The following CPEB3 variants were observed in gnomAD, a reference collection of about 807,000 sequenced individuals.
CPEB3 encodes the protein cytoplasmic polyadenylation element-binding protein 3.
In CPEB3, 20 loss-of-function variants were observed where a neutral mutation model predicts 67.2. The ratio of observed to expected loss-of-function variants is 0.30; its 90% CI spans 0.21 to 0.43. The LOEUF (loss-of-function observed/expected upper bound fraction) is 0.43. Among genes scored for constraint, CPEB3 ranks in the 20% least tolerant of loss-of-function variants. The pLI, the probability that CPEB3 is intolerant of heterozygous loss-of-function variation, is 1.00. For synonymous variants in CPEB3, 376 were observed against 393.1 expected, an observed-to-expected ratio of 0.96 and a Z score of 0.51; for missense variants, 746 against 968.6, an observed-to-expected ratio of 0.77 and a Z score of 3.05.
At chr10:92,223,653 A>C (rs575992105) in intron 2 of CPEB3, among the ~76,000 whole-genome samples, 1 of 137,882 alleles carries the variant, frequency 7.3e-6, no homozygotes, top group Non-Finnish European at 1.5e-5. Context: ...GGATCACCGC[A>C]ACCTCCGCCT....
intron 9 of CPEB3, among the ~76,000 whole-genome samples, chr10:92,073,413 G>T (rs569997120): frequency 3.9e-5 from 6 of 152,098 alleles, no homozygotes; most frequent in African/African-American, 9.6e-5. Context: ...CAGCACTTTG[G>T]GAGGCCAAGG....
chr10:92,207,107 T>C (rs1012523758), intron 2 of CPEB3, among the ~76,000 whole-genome samples: 1 of 152,134 alleles, frequency 6.6e-6, no homozygotes, highest in African/African-American at 2.4e-5. Flanking sequence ...CTCAGCCTCC[T>C]GAGTAGCTGG....
intron 3 of CPEB3, among the ~76,000 whole-genome samples, chr10:92,186,290 T>C (rs1465689889): frequency 6.6e-6 from 1 of 151,110 alleles, no homozygotes; most frequent in Admixed American, 6.6e-5. Flanking sequence ...CTCACGAGGC[T>C]GAGGTGGGAG....
At chr10:92,157,610 C>G (rs150926798) in intron 4 of CPEB3, among the ~76,000 whole-genome samples, 1 of 152,034 alleles carries the variant, frequency 6.6e-6, no homozygotes, top group Non-Finnish European at 1.5e-5. Context: ...CATTTACTTC[C>G]GGGGTAAATC....
intron 4 of CPEB3, among the ~76,000 whole-genome samples, chr10:92,151,128 T>C (rs1197824137): frequency 6.6e-6 from 1 of 152,188 alleles, no homozygotes; most frequent in African/African-American, 2.4e-5. Flanking sequence ...ATGGAAGGCT[T>C]GTCCAAGATA....
chr10:92,214,903 A>C (rs947597469), intron 2 of CPEB3, among the ~76,000 whole-genome samples: 1 of 151,846 alleles, frequency 6.6e-6, no homozygotes, highest in East Asian at 1.9e-4. Flanking sequence ...GCTGGAGTGC[A>C]GTGGTGCAAT....
At position 92,240,277 on chromosome 10, in the gene CPEB3, T is replaced by C; in HGVS notation, c.74A>G (p.Gln25Arg). The C allele has an allele frequency of 1.3e-6, 2 of 1,508,812 alleles. No individual in the cohort carries two copies. Among genetic ancestry groups the C allele is most frequent in the South Asian group, 2.6e-5 (2 of 77,602 alleles). The allele number at this position is 1,508,812 out of a possible 1,614,324, so 93.5% of individuals were successfully genotyped here. The part of the protein sequence containing the change: ...QPQQQQRQQQ[Q>R]PQPESSVSEA... Reference sequence around the variant, plus strand: ...GGATACGCTGGACTCAGGTTGGGGCTGCTGCTGCTGCCGCTGCTGCTGCTG... The same window carrying C: ...GGATACGCTGGACTCAGGTTGGGGCCGCTGCTGCTGCCGCTGCTGCTGCTG... The change falls in exon 2 of 10, where the codon CAG (glutamine) becomes CGG (arginine). Residue 25 changes from glutamine (Q) to arginine (R), a missense_variant. Physicochemically the swap from Gln to Arg is conservative, Grantham distance 43. Transcript: ENST00000265997.
chr10:92,074,913 T>C (rs908136389), intron 9 of CPEB3, among the ~76,000 whole-genome samples: 1 of 152,164 alleles, frequency 6.6e-6, no homozygotes, highest in African/African-American at 2.4e-5. Flanking sequence ...TCTAGATGTC[T>C]AGTATCCAGG....
intron 2 of CPEB3, among the ~76,000 whole-genome samples, chr10:92,214,777 T>G (rs1022930254): frequency 1.3e-5 from 2 of 152,030 alleles, no homozygotes; most frequent in Non-Finnish European, 2.9e-5. Context: ...TGAGCCACTA[T>G]GCCTGGCTCA....
chr10:92,276,037 A>G (rs1364833885), intron 1 of CPEB3, among the ~76,000 whole-genome samples: 2 of 150,744 alleles, frequency 1.3e-5, no homozygotes, highest in South Asian at 2.1e-4. Context: ...TTTAGTAGAG[A>G]TGGGGTTTCA....
chr10:92,215,972 T>C (rs944693009), intron 2 of CPEB3, among the ~76,000 whole-genome samples: 3 of 140,702 alleles, frequency 2.1e-5, no homozygotes, highest in African/African-American at 7.9e-5. Flanking sequence ...ATGGTCTCCA[T>C]CTCCTGACCT....
At chr10:92,075,382 G>A (rs1028913550) in intron 9 of CPEB3, among the ~76,000 whole-genome samples, 1 of 152,080 alleles carries the variant, frequency 6.6e-6, no homozygotes, top group Non-Finnish European at 1.5e-5. Context: ...AGACTTAAAG[G>A]CTGTACATTA....
chr10:92,178,561 C>T (rs1848326852), intron 4 of CPEB3, among the ~76,000 whole-genome samples: 1 of 152,210 alleles, frequency 6.6e-6, no homozygotes, highest in South Asian at 2.1e-4. Flanking sequence ...AAAAGAAAGA[C>T]CAGGTGTGGT....
intron 7 of CPEB3, among the ~76,000 whole-genome samples, chr10:92,096,622 C>A (rs1843892132): frequency 6.6e-6 from 1 of 152,028 alleles, no homozygotes; most frequent in African/African-American, 2.4e-5. Context: ...AGCAGCCTGA[C>A]CACATTTTCT....
intron 5 of CPEB3, 108 bp downstream of exon 5, chr10:92,144,837 T>C (rs1846602925): frequency 1.1e-6 from 1 of 901,334 alleles, no homozygotes; most frequent in African/African-American, 1.6e-5. Flanking sequence ...TCACCTCCTA[T>C]GCACTAAGAT....
chr10:92,262,141 C>A (rs1852830001), intron 1 of CPEB3, among the ~76,000 whole-genome samples: 1 of 152,154 alleles, frequency 6.6e-6, no homozygotes, highest in African/African-American at 2.4e-5. Context: ...AAGAGAGATA[C>A]TTTAGATGAA....
chr10:92,262,130 T>C (rs1852829171), intron 1 of CPEB3, among the ~76,000 whole-genome samples: 1 of 152,190 alleles, frequency 6.6e-6, no homozygotes, highest in Non-Finnish European at 1.5e-5. Flanking sequence ...CCAAATGTCC[T>C]AAGAGAGATA....
At chr10:92,160,228 A>C (rs1335664379) in intron 4 of CPEB3, among the ~76,000 whole-genome samples, 1 of 152,156 alleles carries the variant, frequency 6.6e-6, no homozygotes, top group Non-Finnish European at 1.5e-5. Context: ...TACAGGGGTG[A>C]GCCACCGCGC....
intron 9 of CPEB3, among the ~76,000 whole-genome samples, chr10:92,071,479 C>T (rs1036987619): frequency 1.3e-5 from 2 of 152,102 alleles, no homozygotes; most frequent in African/African-American, 4.8e-5. Context: ...CACCTGTAAT[C>T]CCAGCACTTT....
Sources: allele counts gnomAD v4.1 joint callset (sites outside exome capture counted in the v4.1 genomes callset), GRCh38; gene constraint gnomAD v4.1.1; transcripts MANE v1.5; gene names NCBI Gene and HGNC (gene_info 2026-07-23, HGNC 2026-07-21).